The following NLRC3 variants were observed in gnomAD, a reference collection of about 807,000 sequenced individuals.
The protein encoded by NLRC3 is NLR family CARD domain containing 3.
NLRC3 carries 87 observed loss-of-function variants against 91.6 expected under a neutral mutation model. That is an observed-to-expected ratio of 0.95 (90% CI 0.80 to 1.14). The LOEUF (loss-of-function observed/expected upper bound fraction) is 1.14, where lower values mean the gene tolerates loss of function less well. Among genes scored for constraint, NLRC3 ranks in the 50% most tolerant of loss-of-function variants. The pLI, the probability that NLRC3 is intolerant of heterozygous loss-of-function variation, is 0.00. For missense variants in NLRC3, 1,577 were observed against 1,418.6 expected (o/e 1.11, Z -1.79); for synonymous variants, 694 against 625.3 (o/e 1.11, Z -1.64).
In NLRC3 at chr16:3,560,348, G is replaced by A. The variant is rs551600848; in HGVS notation, c.2015+1354C>T. Among the ~76,000 whole-genome samples the A allele has an allele frequency of 1.7e-3, 259 of 152,166 alleles. 4 individuals are homozygous for A. The highest frequency in any genetic ancestry group is 5.9e-3 in the African/African-American group (244 of 41,518). On this transcript the variant is annotated intron_variant, in intron 6 of 19. Transcript: ENST00000359128. ...TGAGGCAGGAGAATTGCTTGAACCC[G>A]GGAGGCGGAGTCTGCAGTGAGCCAA...
In NLRC3 at chr16:3,563,477, G is replaced by T; in HGVS notation, c.1460C>A (p.Pro487His). Residue 487 changes from proline to histidine, a missense_variant, in exon 5 of 20, where the codon CCC becomes CAC. Coordinates refer to ENST00000359128, the MANE Select transcript of NLRC3 (RefSeq NM_178844.4). ...DLFTESGVSWPRLGFLTHFRS... is the reference protein window; with the variant it reads ...DLFTESGVSWHRLGFLTHFRS... Reference sequence around the variant, plus strand: ...GAAATGCGTGAGGAAGCCCAGCCTGGGCCAGGATACGCCGCTCTCAGTGAA... The same window carrying T: ...GAAATGCGTGAGGAAGCCCAGCCTGTGCCAGGATACGCCGCTCTCAGTGAA... 1 of 1,588,854 alleles carries T rather than the reference G, an allele frequency of 6.3e-7. No individual in the cohort carries two copies. The highest frequency in any genetic ancestry group is 2.3e-5 in the East Asian group (1 of 43,426).
intron 8 of NLRC3, among the ~76,000 whole-genome samples, chr16:3,556,632 G>A (rs2039349879): frequency 6.6e-6 from 1 of 152,100 alleles, no homozygotes; most frequent in African/African-American, 2.4e-5. Flanking sequence ...AGCCTCCCGA[G>A]TTGCTGGGAT....
Position 3,564,556 on chromosome 16 carries a change from G to T in NLRC3, c.381C>A (p.Leu127=), listed in dbSNP as rs1053753523. ...HPARTVALDR[L]FLPLSRVSVP... is the part of the protein sequence containing the mutation. ...CAGACACCCGGGAGAGAGGCAGGAA[G>T]AGCCGGTCCAGGGCGACGGTCCTGG... The change falls in exon 5 of 20, where the codon CTC becomes CTA. Residue 127 remains leucine, a synonymous_variant. Transcript: ENST00000359128. The surrounding 1 kb of genome is among the most constrained non-coding windows in gnomAD (Gnocchi z 5.9). The T allele has an allele frequency of 6.2e-7, 1 of 1,611,836 alleles. No homozygotes were observed. The highest frequency in any genetic ancestry group is 1.3e-5 in the African/African-American group (1 of 74,954).
chr16:3,574,221 G>T (rs981962933), intron 1 of NLRC3, among the ~76,000 whole-genome samples: 2 of 151,724 alleles, frequency 1.3e-5, no homozygotes, highest in Non-Finnish European at 2.9e-5. Flanking sequence ...CACCATGTTG[G>T]CCAGGCTGGT....
At chr16:3,572,800 G>A (rs930006894) in intron 1 of NLRC3, among the ~76,000 whole-genome samples, 1 of 151,650 alleles carries the variant, frequency 6.6e-6, no homozygotes, top group Non-Finnish European at 1.5e-5. Flanking sequence ...ATCATCTGAG[G>A]TCAGGGGTTC....
Position 3,564,878 on chromosome 16 carries a change from CG to C in NLRC3, c.158del (p.Pro53ArgfsTer19). ...TCCTACCATTGCTGCAGGGCCCCAG[CG>C]GGGCATCCGGTGTCCTATCCAGGGC... ...PQALDRTPDA[P>X]LGPCSNDSRI... On this transcript the variant is annotated frameshift_variant, in exon 4 of 20. Transcript: ENST00000359128. LOFTEE classifies it high-confidence loss of function. The surrounding 1 kb of genome is among the most constrained non-coding windows in gnomAD (Gnocchi z 5.9). 6.2e-7 allele frequency: 1 copy of C among 1,606,976 alleles called. No individual in the cohort carries two copies.
In NLRC3 at chr16:3,563,169, C is replaced by G. The variant is rs199854307; in HGVS notation, c.1768G>C (p.Gly590Arg). 2 of 1,591,852 alleles carry G rather than the reference C, an allele frequency of 1.3e-6. No individual in the cohort carries two copies. The highest frequency in any genetic ancestry group is 1.1e-5 in the South Asian group (1 of 87,970). The change falls in exon 5 of 20, where the codon GGG becomes CGG. Residue 590 changes from glycine to arginine, a missense_variant. Physicochemically the swap from Gly to Arg is moderately radical, Grantham distance 125. Coordinates refer to ENST00000359128, the MANE Select transcript of NLRC3 (RefSeq NM_178844.4). ...ARSVEEAMES[G>R]ALARLTGPAH... ...GGACCAGTCAGCCTGGCCAGGGCCC[C>G]GCTCTCCATGGCCTCCTCCACGCTG...
Position 3,543,435 on chromosome 16 carries a change from C to A in NLRC3, c.2929G>T (p.Glu977Ter). 3 of 1,610,998 alleles carry A rather than the reference C, an allele frequency of 1.9e-6. No homozygotes were observed. Among genetic ancestry groups the A allele is most frequent in the South Asian group, 2.2e-5 (2 of 90,608 alleles). ...GACTGGAATACTTACTCGAGAATCT[C>A]CAAGGTTCTGTTCACAGCCAAGGCT... is the stretch of plus-strand genomic sequence containing the variant. ...GEALAVNRTLEILDLRGNAIG... is the reference protein window; with the variant it reads ...GEALAVNRTL The change falls in exon 17 of 20, where the codon GAG (glutamate) becomes TAG (stop). Residue 977 changes from glutamate (E) to a stop codon, truncating the protein, a stop_gained. Coordinates refer to ENST00000359128, the MANE Select transcript of NLRC3 (RefSeq NM_178844.4). LOFTEE classifies it high-confidence loss of function.
intron 5 of NLRC3, among the ~76,000 whole-genome samples, chr16:3,562,177 G>A (rs1379667525): frequency 1.3e-5 from 2 of 152,192 alleles, no homozygotes; most frequent in Non-Finnish European, 2.9e-5. Flanking sequence ...GGTTCTGAGG[G>A]GGTTATGAAT....
At chr16:3,554,422 G>A (rs2039187901) in intron 8 of NLRC3, 97 bp from the exon 9 acceptor site, 2 of 869,710 alleles carry the variant, frequency 2.3e-6, no homozygotes, top group Admixed American at 2.0e-5. Flanking sequence ...GTGGAGCAAG[G>A]GGTTCTGACC....
At position 3,559,414 on chromosome 16, in the gene NLRC3, G is replaced by A. The variant is rs77646919; in HGVS notation, c.2016-1738C>T. On this transcript the variant is annotated intron_variant, in intron 6 of 19. Transcript: ENST00000359128. ...CATCTTGCCATATGTTTGCCAGGTTGGTCTTGAACTCCTGGCCTTAAAGAA... is the reference window on the plus strand; with the variant it reads ...CATCTTGCCATATGTTTGCCAGGTTAGTCTTGAACTCCTGGCCTTAAAGAA... 5.0e-3 allele frequency among the ~76,000 whole-genome samples: 761 copies of A among 152,124 alleles called. 4 individuals carry two copies. The highest frequency in any genetic ancestry group is 0.016 in the African/African-American group (679 of 41,504).
At chr16:3,543,573 C>T in intron 16 of NLRC3, 65 bp from the exon 17 acceptor site, 2 of 1,051,580 alleles carry the variant, frequency 1.9e-6, no homozygotes, top group Non-Finnish European at 1.4e-6. Context: ...ATACTCCGTT[C>T]CCTTTCACCA....
At position 3,563,606 on chromosome 16, in the gene NLRC3, G is replaced by T; in HGVS notation, c.1331C>A (p.Thr444Lys). The T allele has an allele frequency of 6.2e-7, 1 of 1,613,266 alleles. No individual in the cohort carries two copies. Among genetic ancestry groups the T allele is most frequent in the Non-Finnish European group, 8.5e-7 (1 of 1,179,768 alleles). ...PCSCFLQREE[T>K]LASSVAYCFT... Reference sequence around the variant, plus strand: ...GCAGTAGGCCACTGACGATGCCAACGTCTCCTCTCTCTGCAGGAAGCAGCT... The same window carrying T: ...GCAGTAGGCCACTGACGATGCCAACTTCTCCTCTCTCTGCAGGAAGCAGCT... The change falls in exon 5 of 20, where the codon ACG (threonine) becomes AAG (lysine). Residue 444 changes from threonine to lysine, a missense_variant. Transcript: ENST00000359128.
At chr16:3,560,999 AAAATTAAATTTGAAATTAAATTTTAATT>A (rs1555443647) in intron 6 of NLRC3, among the ~76,000 whole-genome samples, 1 of 152,132 alleles carries the variant, frequency 6.6e-6, no homozygotes, top group Non-Finnish European at 1.5e-5. Flanking sequence ...AAATTGATTT[AAAATTAAATTTGAAATTAAATTTTAATT>A]AAATTAAATT....
Position 3,563,180 on chromosome 16 carries a change from GCCT to G in NLRC3, c.1754_1756del (p.Glu585del), listed in dbSNP as rs757580640. ...CCTGGCCAGGGCCCCGCTCTCCATG[GCCT>G]CCTCCACGCTGCGGGCCAGCTCGGT... is the stretch of plus-strand genomic sequence containing the variant. On this transcript the variant is annotated inframe_deletion, in exon 5 of 20. Transcript: ENST00000359128. 2.4e-5 allele frequency: 38 copies of G among 1,593,296 alleles called. No individual in the cohort carries two copies. The highest frequency in any genetic ancestry group is 4.5e-5 in the East Asian group (2 of 44,110).
chr16:3,572,525 CA>C (rs1338060189), intron 1 of NLRC3, among the ~76,000 whole-genome samples: 5 of 152,288 alleles, frequency 3.3e-5, no homozygotes, highest in African/African-American at 1.2e-4. Context: ...TGGGGTCAAG[CA>C]ATCTTCCCAC....
At chr16:3,570,134 T>C (rs551076692) in intron 1 of NLRC3, among the ~76,000 whole-genome samples, 1 of 152,204 alleles carries the variant, frequency 6.6e-6, no homozygotes, top group South Asian at 2.1e-4. Flanking sequence ...GTGCGTGTGC[T>C]GTATAATCTA....
intron 18 of NLRC3, 126 bp from the exon 19 acceptor site, chr16:3,542,400 C>G: frequency 1.4e-6 from 1 of 696,608 alleles, no homozygotes; most frequent in Non-Finnish European, 2.6e-6. Flanking sequence ...GCCATGGCAA[C>G]TCCAGGTGGG....
intron 6 of NLRC3, among the ~76,000 whole-genome samples, chr16:3,560,026 C>T (rs1050611908): frequency 6.6e-6 from 1 of 152,218 alleles, no homozygotes; most frequent in Non-Finnish European, 1.5e-5. Context: ...CACCTCTAAA[C>T]ATACTCCCCA....
Sources: allele counts gnomAD v4.1 joint callset (sites outside exome capture counted in the v4.1 genomes callset), GRCh38; gene constraint gnomAD v4.1.1; non-coding constraint Gnocchi (gnomAD v3.1); transcripts MANE v1.5; gene names NCBI Gene and HGNC (gene_info 2026-07-23, HGNC 2026-07-21).